Variants in NDRG4 observed in about 807,000 individuals in gnomAD.
NDRG4 encodes the protein protein NDRG4.
A neutral mutation model predicts 55.8 loss-of-function variants in NDRG4; 38 were observed. The observed-to-expected ratio is 0.68, with a 90% confidence interval of 0.53 to 0.89. The LOEUF (loss-of-function observed/expected upper bound fraction) is 0.89, where lower values mean the gene tolerates loss of function less well. NDRG4 is among the 40% of genes least tolerant of loss of function. The pLI, the probability that NDRG4 is intolerant of heterozygous loss-of-function variation, is 0.00. For missense variants in NDRG4, 455 were observed against 468.6 expected (o/e 0.97, Z 0.27); for synonymous variants, 190 against 182.7 (o/e 1.04, Z -0.32).
chr16:58,501,145 A>C, intron 1 of NDRG4: 1 of 1,095,584 alleles, frequency 9.1e-7, no homozygotes. Context: ...CCCGGGCCCC[A>C]CACGCCTGCC....
chr16:58,506,487 C>T lies in NDRG4; in HGVS notation c.459+14C>T. On this transcript the variant is annotated intron_variant, in intron 6 of 14. Coordinates refer to ENST00000570248, the MANE Select transcript of NDRG4 (RefSeq NM_001242835.2). ...GCTGCCACCAAGGTGTGTGTGGTGA[C>T]CGGGGGTGGGGTGGGTATACCTAGG... The T allele has an allele frequency of 6.2e-7, 1 of 1,607,790 alleles. No individual in the cohort carries two copies. The highest frequency in any genetic ancestry group is 1.7e-4 in the Middle Eastern group (1 of 5,994).
chr16:58,503,968 C>T (rs1192098372), intron 2 of NDRG4, 65 bp downstream of exon 2: 6 of 1,568,476 alleles, frequency 3.8e-6, no homozygotes, highest in Middle Eastern at 1.7e-4. Flanking sequence ...GTGAGGCCCC[C>T]CACCCTCCCC....
rs1418755469 is a variant in NDRG4, at chr16:58,500,287, G to A, written c.21+18G>A. 3.3e-6 allele frequency: 5 copies of A among 1,535,450 alleles called. No individual in the cohort carries two copies. The highest frequency in any genetic ancestry group is 1.7e-4 in the Middle Eastern group (1 of 5,808). On this transcript the variant is annotated intron_variant, in intron 1 of 14. Transcript: ENST00000570248. ...GGGATGGGGTGAGTGAGGGCGCTGCGGGCATCAAGGTGGGCCGGGAGGATG... is the reference window on the plus strand; with the variant it reads ...GGGATGGGGTGAGTGAGGGCGCTGCAGGCATCAAGGTGGGCCGGGAGGATG...
chr16:58,511,958 G>C lies in NDRG4; in HGVS notation c.*382G>C, dbSNP rs766865818. ...GAGAGGGTGGGTGCTGGGCCACAGG[G>C]GTGCGGGGCCAGCTCAGGCACTGGC... On this transcript the variant is annotated 3_prime_UTR_variant, in exon 15 of 15. Coordinates refer to ENST00000570248, the MANE Select transcript of NDRG4 (RefSeq NM_001242835.2). The C allele has an allele frequency of 2.2e-6, 1 of 460,646 alleles. No homozygotes were observed. Among genetic ancestry groups the C allele is most frequent in the Non-Finnish European group, 4.3e-6 (1 of 231,454 alleles). The allele number at this position is 460,646 out of a possible 1,614,324, so 28.5% of individuals were successfully genotyped here.
At chr16:58,474,648 G>T (rs2033383038) in intron 1 of NDRG4, among the ~76,000 whole-genome samples, 1 of 152,152 alleles carries the variant, frequency 6.6e-6, no homozygotes, top group Non-Finnish European at 1.5e-5. Flanking sequence ...CACCCAGAAA[G>T]CTCCCGAAGG....
At chr16:58,508,937 G>A (rs1431724895) in intron 10 of NDRG4, 25 bp from the exon 11 acceptor site, 6 of 1,612,178 alleles carry the variant, frequency 3.7e-6, no homozygotes, top group Non-Finnish European at 5.1e-6. Flanking sequence ...AGGGGCTGTT[G>A]CTGAAGCTGG....
rs773931425 is a variant in NDRG4 at position 58,511,556 on chromosome 16, A to G, written c.1039A>G (p.Thr347Ala). ...SSEGLGQVNH[T>A]MEVSC ...CGAGGGGCTGGGCCAGGTCAACCAC[A>G]CCATGGAGGTGTCCTGTTGAAGCCC... The change falls in exon 15 of 15, where the codon ACC becomes GCC. Residue 347 changes from threonine to alanine, a missense_variant. Physicochemically the swap from Thr to Ala is moderately conservative, Grantham distance 58 (BLOSUM62 0). Coordinates refer to ENST00000570248, the MANE Select transcript of NDRG4 (RefSeq NM_001242835.2). 2 of 1,612,866 alleles carry G rather than the reference A, an allele frequency of 1.2e-6. No homozygotes were observed. Among genetic ancestry groups the G allele is most frequent in the Non-Finnish European group, 1.7e-6 (2 of 1,179,904 alleles).
chr16:58,489,870 G>C (rs995774116), intron 2 of NDRG4, among the ~76,000 whole-genome samples: 2 of 151,246 alleles, frequency 1.3e-5, no homozygotes, highest in African/African-American at 4.9e-5. Flanking sequence ...TCTGAAGCAG[G>C]GTCTCACTCT....
intron 5 of NDRG4, among the ~76,000 whole-genome samples, chr16:58,505,431 A>C (rs904750254): frequency 6.7e-6 from 1 of 148,586 alleles, no homozygotes; most frequent in Non-Finnish European, 1.5e-5. Context: ...AAAAAAAAAA[A>C]AACAAAAACC....
Position 58,483,561 on chromosome 16 carries a change from TC to T in NDRG4, c.-23-4193del, listed in dbSNP as rs1301538114. Among the ~76,000 whole-genome samples the T allele has an allele frequency of 3.9e-5, 6 of 152,160 alleles. No individual in the cohort carries two copies. In the East Asian group the frequency reaches 1.2e-3, roughly 29 times the overall value. ...CTGTCCCCCAGCCAAAGGGGCTGTT[TC>T]CTCTCCCTCATCCCCTGTACCATCC... On this transcript the variant is annotated intron_variant, in intron 1 of 15. Transcript: ENST00000258187.
intron 1 of NDRG4, chr16:58,500,881 C>T: frequency 2.9e-6 from 2 of 680,782 alleles, no homozygotes; most frequent in Non-Finnish European, 4.1e-6. Context: ...CTGCGCCAGC[C>T]GGGCAGAGGC....
At chr16:58,486,877 C>G (rs1336572848) in intron 1 of NDRG4, among the ~76,000 whole-genome samples, 1 of 152,170 alleles carries the variant, frequency 6.6e-6, no homozygotes, top group African/African-American at 2.4e-5. Context: ...TGTTGGTGGC[C>G]TGAACTGAGA....
At chr16:58,469,401 G>A (rs1033259311) in intron 1 of NDRG4, among the ~76,000 whole-genome samples, 3 of 152,212 alleles carry the variant, frequency 2.0e-5, no homozygotes, top group East Asian at 1.9e-4. Context: ...GGAGAGGGGC[G>A]TGCTGTTCCT....
chr16:58,492,764 T>C (rs2035954996), intron 2 of NDRG4, among the ~76,000 whole-genome samples: 1 of 152,128 alleles, frequency 6.6e-6, no homozygotes, highest in Admixed American at 6.5e-5. Flanking sequence ...TTCTCTGAGA[T>C]AATTGCCCTC....
At chr16:58,487,872 G>A (rs759837970) in intron 2 of NDRG4, 2 of 1,517,950 alleles carry the variant, frequency 1.3e-6, no homozygotes, top group South Asian at 2.5e-5. Context: ...TCGCGCCTTT[G>A]AGGTCTTAGG....
upstream of NDRG4, among the ~76,000 whole-genome samples, chr16:58,495,752 C>T (rs2036326684): frequency 6.6e-6 from 1 of 152,214 alleles, no homozygotes; most frequent in Non-Finnish European, 1.5e-5. Context: ...GTGCTGGTCC[C>T]TCGGTCACGC....
intron 7 of NDRG4, 139 bp downstream of exon 7, chr16:58,506,753 C>A: frequency 8.4e-7 from 1 of 1,190,574 alleles, no homozygotes; most frequent in Non-Finnish European, 1.2e-6. Flanking sequence ...ACAGACATCC[C>A]CTCCCAAGGC....
At chr16:58,493,225 C>G (rs2035999899) in intron 2 of NDRG4, among the ~76,000 whole-genome samples, 1 of 152,168 alleles carries the variant, frequency 6.6e-6, no homozygotes, top group Non-Finnish European at 1.5e-5. Context: ...CCTGTGGCAC[C>G]CTATTTCTCA....
At chr16:58,491,588 G>A (rs1369598697) in intron 2 of NDRG4, among the ~76,000 whole-genome samples, 1 of 151,932 alleles carries the variant, frequency 6.6e-6, no homozygotes, top group African/African-American at 2.4e-5. Flanking sequence ...AGCCTCCCAA[G>A]TAGCTGGGAT....
Sources: gnomAD v4.1 joint callset for allele counts (sites outside exome capture counted in the v4.1 genomes callset) on GRCh38, gnomAD v4.1.1 for gene constraint, MANE v1.5 for transcripts, NCBI Gene and HGNC (gene_info 2026-07-23, HGNC 2026-07-21) for gene names.